Variants in ASIC2 observed in about 807,000 individuals in gnomAD.
ASIC2 encodes the protein acid sensing ion channel subunit 2, also known as acid-sensing ion channel 2.
Under a neutral mutation model 57.3 loss-of-function variants are expected in ASIC2, and 25 were observed. That is an observed-to-expected ratio of 0.44 (90% confidence interval 0.32 to 0.61). The LOEUF (loss-of-function observed/expected upper bound fraction) is 0.61, where lower values mean the gene tolerates loss of function less well. ASIC2 is among the 20% of genes least tolerant of loss of function. ASIC2 has a pLI of 0.06. For synonymous variants in ASIC2, 319 were observed against 307.5 expected (o/e 1.04, Z -0.39); for missense variants, 641 against 738.1 (o/e 0.87, Z 1.52).
At chr17:33,450,923 A>T (rs1463511941) in intron 1 of ASIC2, among the ~76,000 whole-genome samples, 2 of 152,208 alleles carry the variant, frequency 1.3e-5, no homozygotes, top group East Asian at 3.9e-4. Context: ...CTCCATGCCA[A>T]CATATCCAAC....
chr17:33,860,348 G>C (rs1418790354), intron 1 of ASIC2, among the ~76,000 whole-genome samples: 3 of 152,180 alleles, frequency 2.0e-5, no homozygotes, highest in Non-Finnish European at 4.4e-5. Context: ...TTCTGGGTCT[G>C]ATCCTCTCTC....
chr17:33,756,987 C>A (rs1380709226), intron 1 of ASIC2, among the ~76,000 whole-genome samples: 1 of 152,234 alleles, frequency 6.6e-6, no homozygotes, highest in Admixed American at 6.5e-5. Flanking sequence ...TTCCTTGCCT[C>A]TTCCAGCTTT....
At chr17:33,464,478 T>TC (rs57073532) in intron 1 of ASIC2, among the ~76,000 whole-genome samples, 3 of 73,988 alleles carry the variant, frequency 4.1e-5, no homozygotes, top group African/African-American at 1.3e-4. Context: ...TTTCTTTCTT[T>TC]TCTCTCTTTC....
At position 33,292,527 on chromosome 17, in the gene ASIC2, C is replaced by G. The variant is rs980947149; in HGVS notation, c.-412G>C. 6.0e-5 allele frequency: 59 copies of G among 985,692 alleles called. No individual in the cohort carries two copies. Among genetic ancestry groups the G allele is most frequent in the Non-Finnish European group, 6.9e-5 (57 of 830,294 alleles). 61.1% of individuals were successfully genotyped at this position (985,692 alleles called of 1,614,324 possible). ...GGGACCCTGAGCCGAGTCCCCCCTG[C>G]CCCGCCTAACCCCAGCTTTTACGCT... On this transcript the variant is annotated 5_prime_UTR_variant, in exon 1 of 10. Coordinates refer to ENST00000225823, the MANE Select transcript of ASIC2 (RefSeq NM_183377.2).
upstream of ASIC2, among the ~76,000 whole-genome samples, chr17:33,296,325 G>T (rs1183336227): frequency 1.3e-5 from 2 of 152,012 alleles, no homozygotes; most frequent in Non-Finnish European, 2.9e-5. Context: ...CTTTGCCCAG[G>T]TAGTCACTCC....
At chr17:33,678,398 A>T (rs2142055855) in intron 1 of ASIC2, among the ~76,000 whole-genome samples, 1 of 149,570 alleles carries the variant, frequency 6.7e-6, no homozygotes, top group South Asian at 2.1e-4. Context: ...GTTTTCATTA[A>T]CATCTCCAAG....
intron 1 of ASIC2, among the ~76,000 whole-genome samples, chr17:33,930,820 G>A (rs1037309999): frequency 1.6e-4 from 24 of 152,232 alleles, no homozygotes; most frequent in African/African-American, 5.5e-4. Context: ...CCCACAGGTG[G>A]TGGAGGGGAT....
At chr17:33,374,664 C>T (rs1437737152) in intron 1 of ASIC2, among the ~76,000 whole-genome samples, 1 of 152,170 alleles carries the variant, frequency 6.6e-6, no homozygotes, top group African/African-American at 2.4e-5. Flanking sequence ...CAGGTAATTA[C>T]AGTTCTCTCA....
At chr17:33,023,513 A>G (rs1303887884) in intron 6 of ASIC2, among the ~76,000 whole-genome samples, 1 of 151,766 alleles carries the variant, frequency 6.6e-6, no homozygotes, top group Non-Finnish European at 1.5e-5. Flanking sequence ...AGAAAAAAAA[A>G]TTCTCTGAAG....
intron 1 of ASIC2, among the ~76,000 whole-genome samples, chr17:33,647,390 G>A (rs570022586): frequency 6.6e-6 from 1 of 152,164 alleles, no homozygotes; most frequent in Non-Finnish European, 1.5e-5. Context: ...GTTGTTGAAA[G>A]GGATCCTGGA....
chr17:33,822,679 A>C (rs1344473561), intron 1 of ASIC2, among the ~76,000 whole-genome samples: 2 of 152,180 alleles, frequency 1.3e-5, no homozygotes, highest in East Asian at 3.9e-4. Context: ...TCAACTTTTG[A>C]CAGGAAGAAG....
intron 1 of ASIC2, among the ~76,000 whole-genome samples, chr17:33,400,567 C>G (rs887264635): frequency 6.6e-6 from 1 of 152,256 alleles, no homozygotes; most frequent in East Asian, 1.9e-4. Context: ...AGCCAGAAAT[C>G]TCTCTTTTGG....
chr17:33,496,371 C>G (rs1302968152), intron 1 of ASIC2, among the ~76,000 whole-genome samples: 1 of 152,164 alleles, frequency 6.6e-6, no homozygotes, highest in Admixed American at 6.5e-5. Context: ...TCCTCTCCCA[C>G]TGCGGTTGTC....
chr17:33,943,767 G>A (rs1403397731), intron 1 of ASIC2, among the ~76,000 whole-genome samples: 2 of 151,052 alleles, frequency 1.3e-5, no homozygotes, highest in Non-Finnish European at 2.9e-5. Context: ...GTACACACCA[G>A]GCCTTGTGCT....
At position 33,436,850 on chromosome 17, in the gene ASIC2, C is replaced by CT. The variant is rs1244300127; in HGVS notation, c.556-324784dup. 2.1e-3 allele frequency among the ~76,000 whole-genome samples: 159 copies of CT among 76,010 alleles called. 3 individuals are homozygous for CT. Among genetic ancestry groups the CT allele is most frequent in the Non-Finnish European group, 2.4e-3 (86 of 36,442 alleles). 49.9% of individuals were successfully genotyped at this position (76,010 alleles called of 152,430 possible). The stretch of plus-strand genomic sequence containing the variant: ...TGCAATGCCTTAAAACACATTCCAA[C>CT]TTCTTTTTTTTTTTTTTTTTTTTTT... On this transcript the variant is annotated intron_variant, in intron 1 of 9. Transcript: ENST00000359872.
intron 1 of ASIC2, among the ~76,000 whole-genome samples, chr17:33,459,185 C>T (rs1912551916): frequency 2.0e-5 from 3 of 152,006 alleles, no homozygotes; most frequent in South Asian, 4.2e-4. Flanking sequence ...AGTCTGTTGC[C>T]TGCTTGGCTA....
At chr17:33,850,439 C>T (rs187354130) in intron 1 of ASIC2, among the ~76,000 whole-genome samples, 1 of 152,302 alleles carries the variant, frequency 6.6e-6, no homozygotes, top group East Asian at 1.9e-4. Context: ...TAGTTCTTCT[C>T]GCATAAATTT....
intron 1 of ASIC2, among the ~76,000 whole-genome samples, chr17:33,464,540 C>CTCTTTTTCTTTCTTTCTTTCTTTCTT (rs1912781875): frequency 2.0e-5 from 1 of 49,368 alleles, no homozygotes; most frequent in African/African-American, 8.0e-5. Flanking sequence ...TTCTTTCTTT[C>CTCTTTTTCTTTCTTTCTTTCTTTCTT]TCTTTCTTTC....
intron 1 of ASIC2, among the ~76,000 whole-genome samples, chr17:33,787,233 G>T (rs1911626870): frequency 1.3e-5 from 2 of 152,236 alleles, no homozygotes; most frequent in Admixed American, 1.3e-4. Flanking sequence ...ACTGCATTCT[G>T]CAAGGCCCCA....
Sources: gnomAD v4.1 joint callset for allele counts (sites outside exome capture counted in the v4.1 genomes callset) on GRCh38, gnomAD v4.1.1 for gene constraint, MANE v1.5 for transcripts, NCBI Gene and HGNC (gene_info 2026-07-23, HGNC 2026-07-21) for gene names.